The following OSBPL10 variants were observed in gnomAD, a reference collection of about 807,000 sequenced individuals.
The protein encoded by OSBPL10 is oxysterol binding protein like 10.
OSBPL10 carries 49 observed loss-of-function variants against 81.7 expected under a neutral mutation model. The observed-to-expected ratio is 0.60, with a 90% CI of 0.48 to 0.76. The LOEUF (loss-of-function observed/expected upper bound fraction) is 0.76, where lower values mean the gene tolerates loss of function less well. OSBPL10 is among the 30% of genes least tolerant of loss of function. OSBPL10 has a pLI of 0.00. For synonymous variants in OSBPL10, 419 were observed against 383.6 expected, an observed-to-expected ratio of 1.09 and a Z score of -1.08; for missense variants, 923 against 987.8, an observed-to-expected ratio of 0.93 and a Z score of 0.88.
intron 1 of OSBPL10, among the ~76,000 whole-genome samples, chr3:31,898,260 G>T (rs911009073): frequency 1.3e-5 from 2 of 152,010 alleles, no homozygotes; most frequent in Non-Finnish European, 2.9e-5. Flanking sequence ...TTTTAAAATA[G>T]CTAGGAGTAA....
At position 31,979,939 on chromosome 3, in the gene OSBPL10, T is replaced by G. The variant is rs1201541072; in HGVS notation, c.281+960A>C. Among the ~76,000 whole-genome samples, 3 of 152,018 alleles carry G rather than the reference T, an allele frequency of 2.0e-5. No homozygotes were observed. The South Asian group carries it at 6.2e-4, about 32-fold the overall frequency. On this transcript the variant is annotated intron_variant, in intron 1 of 11. Transcript: ENST00000396556. ...AGGAAATAATGATAATAATGTAAATTGCTACTAATATTAAAAGGGGGAGGG... is the reference window on the plus strand; with the variant it reads ...AGGAAATAATGATAATAATGTAAATGGCTACTAATATTAAAAGGGGGAGGG...
exon 1 of OSBPL10, chr3:32,077,557 C>T (rs938221808): frequency 6.6e-6 from 1 of 152,150 alleles, no homozygotes; most frequent in African/African-American, 2.4e-5. Context: ...GCACAACGTT[C>T]CAGGGGCACG....
intron 9 of OSBPL10, among the ~76,000 whole-genome samples, chr3:31,669,636 A>G (rs997826807): frequency 3.3e-5 from 5 of 152,010 alleles, no homozygotes; most frequent in African/African-American, 1.2e-4. Context: ...GAGATTTGCG[A>G]CCTCTCTTTC....
At chr3:31,781,433 A>G (rs557693403) in intron 4 of OSBPL10, among the ~76,000 whole-genome samples, 12 of 152,314 alleles carry the variant, frequency 7.9e-5, no homozygotes, top group African/African-American at 2.9e-4. Flanking sequence ...CACCACTTCT[A>G]TTCAACACAG....
chr3:31,975,939 A>C (rs1559539380), intron 1 of OSBPL10, among the ~76,000 whole-genome samples: 1 of 152,190 alleles, frequency 6.6e-6, no homozygotes, highest in African/African-American at 2.4e-5. Flanking sequence ...GGAGAGACCA[A>C]AAAAAGTAAA....
chr3:31,931,773 G>C (rs752159161), intron 1 of OSBPL10, among the ~76,000 whole-genome samples: 1 of 152,152 alleles, frequency 6.6e-6, no homozygotes, highest in Non-Finnish European at 1.5e-5. Flanking sequence ...ATAATAAATA[G>C]TGATGTAATT....
At chr3:31,812,418 T>C (rs554746385) in intron 4 of OSBPL10, among the ~76,000 whole-genome samples, 1 of 152,256 alleles carries the variant, frequency 6.6e-6, no homozygotes, top group South Asian at 2.1e-4. Context: ...ACATCCAAAT[T>C]TTGGTTCTGA....
intron 5 of OSBPL10, 42 bp downstream of exon 5, chr3:31,747,868 G>A (rs2125697063): frequency 6.4e-7 from 1 of 1,571,022 alleles, no homozygotes; most frequent in Non-Finnish European, 8.8e-7. Context: ...GACACAGTGT[G>A]TGTACTCATC....
In OSBPL10 at chr3:31,830,820, G is replaced by A. The variant is rs75665109; in HGVS notation, c.538-589C>T. 7.9e-3 allele frequency among the ~76,000 whole-genome samples: 1,210 copies of A among 152,236 alleles called. 17 individuals are homozygous for A. Among genetic ancestry groups the A allele is most frequent in the South Asian group, 0.058 (281 of 4,820 alleles). ...GCTTAATAATGTCATCTATATGCAC[G>A]AACTAAGCTGTCCACCAAGTATTCC... On this transcript the variant is annotated intron_variant, in intron 3 of 11. Coordinates refer to ENST00000396556, the MANE Select transcript of OSBPL10 (RefSeq NM_017784.5).
chr3:31,817,622 C>T (rs1184632634), intron 4 of OSBPL10, among the ~76,000 whole-genome samples: 1 of 152,126 alleles, frequency 6.6e-6, no homozygotes, highest in African/African-American at 2.4e-5. Flanking sequence ...CACAGGGAGG[C>T]TTGGATCCAC....
At chr3:31,667,368 C>T (rs1164729093) in intron 10 of OSBPL10, among the ~76,000 whole-genome samples, 1 of 152,226 alleles carries the variant, frequency 6.6e-6, no homozygotes, top group Non-Finnish European at 1.5e-5. Flanking sequence ...CTCAAATAAA[C>T]TGATTAACAA....
At chr3:31,857,098 C>T (rs1700931201) in intron 3 of OSBPL10, among the ~76,000 whole-genome samples, 1 of 152,116 alleles carries the variant, frequency 6.6e-6, no homozygotes, top group Non-Finnish European at 1.5e-5. Flanking sequence ...CCTCTTCAAC[C>T]TCCAGTGGCA....
At chr3:31,686,767 T>C (rs1405263886) in intron 7 of OSBPL10, among the ~76,000 whole-genome samples, 3 of 152,338 alleles carry the variant, frequency 2.0e-5, no homozygotes, top group Admixed American at 6.5e-5. Flanking sequence ...ATGCCACCTC[T>C]ATTACTTCCT....
intron 6 of OSBPL10, among the ~76,000 whole-genome samples, chr3:31,728,565 A>G (rs1282385817): frequency 2.6e-5 from 4 of 152,208 alleles, no homozygotes; most frequent in Non-Finnish European, 5.9e-5. Context: ...ATACTATTCA[A>G]TGCAAAAGGA....
At chr3:31,717,473 G>A (rs978697799) in intron 6 of OSBPL10, among the ~76,000 whole-genome samples, 1 of 152,064 alleles carries the variant, frequency 6.6e-6, no homozygotes, top group Admixed American at 6.5e-5. Flanking sequence ...AAAGCATCTG[G>A]CAGAAAACAG....
At chr3:32,015,766 C>T (rs1364380001) in intron 2 of OSBPL10, among the ~76,000 whole-genome samples, 1 of 152,030 alleles carries the variant, frequency 6.6e-6, no homozygotes, top group Non-Finnish European at 1.5e-5. Flanking sequence ...AAAAAACAAC[C>T]CCATCAACAA....
rs1699775495 is a variant in OSBPL10, at chr3:32,065,999, GAAA to G, written n.185+11394_185+11396del. 3.4e-5 allele frequency among the ~76,000 whole-genome samples: 2 copies of G among 58,926 alleles called. 1 individual carries two copies. Among genetic ancestry groups the G allele is most frequent in the Non-Finnish European group, 8.6e-5 (2 of 23,280 alleles). The allele number at this position is 58,926 out of a possible 152,430, so 38.7% of individuals were successfully genotyped here. On this transcript the variant is annotated intron_variant and non_coding_transcript_variant, in intron 1 of 3. Transcript: ENST00000479173. Reference sequence around the variant, plus strand: ...AGAAAGAAAGAAAGAAAGAAAGAAAGAAAGAAAGAGAAAGAAAGAAAGAAAGAG... The same window carrying G: ...AGAAAGAAAGAAAGAAAGAAAGAAAGGAAAGAGAAAGAAAGAAAGAAAGAG...
intron 6 of OSBPL10, among the ~76,000 whole-genome samples, chr3:31,726,392 C>T (rs1253198585): frequency 2.0e-5 from 3 of 152,082 alleles, no homozygotes; most frequent in Non-Finnish European, 2.9e-5. Context: ...TCTCTGCTCA[C>T]TGCAACCTCC....
chr3:31,960,477 C>G (rs1449374125), intron 1 of OSBPL10: 2 of 152,150 alleles, frequency 1.3e-5, no homozygotes, highest in East Asian at 1.9e-4. Context: ...ATAGGGGAAC[C>G]AGTTTAAATA....
Sources: allele counts gnomAD v4.1 joint callset (sites outside exome capture counted in the v4.1 genomes callset), GRCh38; gene constraint gnomAD v4.1.1; transcripts MANE v1.5; gene names NCBI Gene and HGNC (gene_info 2026-07-23, HGNC 2026-07-21).